Variants in CASTOR2 observed in about 807,000 individuals in gnomAD.
CASTOR2 encodes GATS protein like 2.
In CASTOR2, 8 loss-of-function variants were observed where a neutral mutation model predicts 31.2. That is an observed-to-expected ratio of 0.26 (90% CI 0.15 to 0.46). The LOEUF (loss-of-function observed/expected upper bound fraction) is 0.46. Among genes scored for constraint, CASTOR2 ranks in the 20% least tolerant of loss-of-function variants. CASTOR2 has a pLI of 0.99. For synonymous variants in CASTOR2, 162 were observed against 158.7 expected (o/e 1.02, Z -0.16); for missense variants, 216 against 382.1 (o/e 0.57, Z 3.62).
At chr7:74,979,389 CAT>C (rs1803900048) in intron 1 of CASTOR2, among the ~76,000 whole-genome samples, 2 of 147,962 alleles carry the variant, frequency 1.4e-5, no homozygotes, top group Admixed American at 6.8e-5. Flanking sequence ...CTGATGTTCC[CAT>C]ATTTTTTTTT....
At chr7:75,000,539 C>T (rs1260780841) in intron 1 of CASTOR2, among the ~76,000 whole-genome samples, 1 of 152,198 alleles carries the variant, frequency 6.6e-6, no homozygotes, top group African/African-American at 2.4e-5. Flanking sequence ...GCGCCCATAA[C>T]ATCCAAGACA....
chr7:75,025,601 G>A lies in CASTOR2; in HGVS notation c.*902G>A, dbSNP rs1037788218. 5.3e-4 allele frequency among the ~76,000 whole-genome samples: 80 copies of A among 152,216 alleles called. No individual in the cohort carries two copies. Among genetic ancestry groups the A allele is most frequent in the Admixed American group, 9.8e-4 (15 of 15,280 alleles). ...CTAGACCAGCATAGGACTCCCCGCC[G>A]TCCTCCTCCCTCCTCTGCCCCCAAG... On this transcript the variant is annotated 3_prime_UTR_variant, in exon 9 of 9. Coordinates refer to ENST00000616305, the MANE Select transcript of CASTOR2 (RefSeq NM_001145064.3).
intron 1 of CASTOR2, among the ~76,000 whole-genome samples, chr7:74,985,866 C>A (rs1373503043): frequency 1.3e-5 from 2 of 152,038 alleles, no homozygotes; most frequent in Admixed American, 1.3e-4. Context: ...ATCATTTTAG[C>A]CAATTTCAGC....
intron 7 of CASTOR2, 83 bp from the exon 8 acceptor site, chr7:75,024,357 C>T: frequency 1.5e-6 from 2 of 1,370,336 alleles, no homozygotes; most frequent in Non-Finnish European, 2.0e-6. Context: ...TAGGCATTGC[C>T]CACAGAGGGT....
At position 75,005,627 on chromosome 7, in the gene CASTOR2, C is replaced by G. The variant is rs1249846493; in HGVS notation, c.114-2367C>G. Among the ~76,000 whole-genome samples the G allele has an allele frequency of 2.0e-5, 3 of 152,344 alleles. No individual in the cohort carries two copies. In the East Asian group the frequency reaches 5.8e-4, roughly 29 times the overall value. ...AAGTCTTTGTGCGGGCACCTGTTCT[C>G]ACTTCTCGCGGATGAATACCCAGGA... On this transcript the variant is annotated intron_variant, in intron 1 of 8. Transcript: ENST00000616305.
chr7:74,977,762 G>A (rs1485123945), intron 1 of CASTOR2, among the ~76,000 whole-genome samples: 3 of 150,206 alleles, frequency 2.0e-5, no homozygotes, highest in Non-Finnish European at 4.4e-5. Flanking sequence ...CTCCAGCCTC[G>A]ATTTCTCAGG....
At chr7:75,014,419 C>CAAAAAA (rs1193842037) in intron 2 of CASTOR2, among the ~76,000 whole-genome samples, 12 of 57,556 alleles carry the variant, frequency 2.1e-4, no homozygotes, top group African/African-American at 5.5e-4. Context: ...ACTAAAAATA[C>CAAAAAA]AAAAAAAAAA....
Position 75,027,611 on chromosome 7 carries a change from T to G in CASTOR2, c.*2912T>G, listed in dbSNP as rs1404812700. Reference sequence around the variant, plus strand: ...CTCGTGTCATGGAGAAAAGCATGTGTGTCGGGGCGCGCTGGGGCCAGGGTA... The same window carrying G: ...CTCGTGTCATGGAGAAAAGCATGTGGGTCGGGGCGCGCTGGGGCCAGGGTA... On this transcript the variant is annotated 3_prime_UTR_variant, in exon 9 of 9. Transcript: ENST00000616305. 2.0e-5 allele frequency: 4 copies of G among 197,574 alleles called. No homozygotes were observed. Among genetic ancestry groups the G allele is most frequent in the Admixed American group, 1.6e-4 (3 of 18,548 alleles). 12.2% of individuals were successfully genotyped at this position (197,574 alleles called of 1,614,324 possible).
chr7:75,024,459 C>T lies in CASTOR2; in HGVS notation c.849C>T (p.Ala283=). The change falls in exon 8 of 9, where the codon GCC becomes GCT. Residue 283 remains alanine, a synonymous_variant. Transcript: ENST00000616305. ...PLGFDECGIV[A]QISEPLAAAD... is the part of the protein sequence containing the mutation. ...TTCTAGATGAGTGTGGCATCGTGGCCCAGATCTCAGAGCCCTTGGCTGCTG... is the reference window on the plus strand; with the variant it reads ...TTCTAGATGAGTGTGGCATCGTGGCTCAGATCTCAGAGCCCTTGGCTGCTG... 1 of 1,551,470 alleles carries T rather than the reference C, an allele frequency of 6.4e-7. No individual in the cohort carries two copies. The highest frequency in any genetic ancestry group is 2.4e-5 in the East Asian group (1 of 40,916).
chr7:74,992,955 C>T (rs1804247567), intron 1 of CASTOR2, among the ~76,000 whole-genome samples: 1 of 151,822 alleles, frequency 6.6e-6, no homozygotes, highest in Non-Finnish European at 1.5e-5. Flanking sequence ...AATCCCAGCA[C>T]TTTGGGAGGC....
chr7:74,999,601 C>CTTTTTTTTTTTTTTTTTTTTTTTTTTTT, intron 1 of CASTOR2, among the ~76,000 whole-genome samples: 1 of 45,760 alleles, frequency 2.2e-5, no homozygotes, highest in Non-Finnish European at 3.4e-5. Flanking sequence ...TCACTCACTG[C>CTTTTTTTTTTTTTTTTTTTTTTTTTTTT]TTTTTTTTTT....
In CASTOR2 at chr7:75,026,346, C is replaced by T. The variant is rs1435234001; in HGVS notation, c.*1647C>T. The stretch of plus-strand genomic sequence containing the variant: ...CTGGGATTACAGGCACGCACCACCA[C>T]GTCTGGCTAGTTATTGTATTTTTTA... On this transcript the variant is annotated 3_prime_UTR_variant, in exon 9 of 9. Transcript: ENST00000616305. Among the ~76,000 whole-genome samples the T allele has an allele frequency of 2.6e-5, 4 of 151,988 alleles. No homozygotes were observed. Among genetic ancestry groups the T allele is most frequent in the Non-Finnish European group, 5.9e-5 (4 of 67,996 alleles).
At chr7:74,973,333 CT>C (rs1200356756) in intron 1 of CASTOR2, among the ~76,000 whole-genome samples, 5,293 of 80,420 alleles carry the variant, frequency 0.066, 52 homozygotes, top group African/African-American at 0.17. Context: ...CTCCAGTAAG[CT>C]TTTTTTTTTT....
intron 2 of CASTOR2, among the ~76,000 whole-genome samples, chr7:75,009,262 C>CTTTTTTTTTTT (rs1161937896): frequency 1.7e-5 from 1 of 60,296 alleles, no homozygotes; most frequent in African/African-American, 7.1e-5. Context: ...GGCCTGAGAA[C>CTTTTTTTTTTT]TTTTTTTTTT....
At chr7:74,991,254 G>A (rs1187039849) in intron 1 of CASTOR2, among the ~76,000 whole-genome samples, 2 of 152,136 alleles carry the variant, frequency 1.3e-5, no homozygotes, top group African/African-American at 2.4e-5. Flanking sequence ...CTGGATATGA[G>A]GGAAGCATGG....
rs1256302571 is a variant in CASTOR2 at position 74,983,987 on chromosome 7, G to T, written c.113+18889G>T. ...TGTAGAGACAGGGTTTCACTTTGTT[G>T]CCCAGGCTGGCCTCAAACTCCTGGC... On this transcript the variant is annotated intron_variant, in intron 1 of 8. Coordinates refer to ENST00000616305, the MANE Select transcript of CASTOR2 (RefSeq NM_001145064.3). Among the ~76,000 whole-genome samples, 26 of 151,066 alleles carry T rather than the reference G, an allele frequency of 1.7e-4. 2 individuals are homozygous for T. The highest frequency in any genetic ancestry group is 3.2e-4 in the Non-Finnish European group (22 of 67,722).
intron 1 of CASTOR2, among the ~76,000 whole-genome samples, chr7:74,989,743 C>G (rs1181485130): frequency 4.0e-5 from 6 of 151,896 alleles, no homozygotes; most frequent in African/African-American, 1.5e-4. Flanking sequence ...ATTTATTGAG[C>G]AAAATAAACC....
intron 1 of CASTOR2, among the ~76,000 whole-genome samples, chr7:75,007,568 G>A (rs1487889201): frequency 2.6e-5 from 4 of 152,114 alleles, no homozygotes; most frequent in Admixed American, 2.6e-4. Context: ...TGCTGAGGAG[G>A]AGGCCAAGTC....
intron 6 of CASTOR2, among the ~76,000 whole-genome samples, 168 bp downstream of exon 6, chr7:75,020,317 A>T (rs1157853236): frequency 2.6e-5 from 4 of 151,582 alleles, no homozygotes; most frequent in Admixed American, 6.6e-5. Flanking sequence ...ATCTCGGCTC[A>T]AGGCAACCTC....
Sources: gnomAD v4.1 joint callset for allele counts (sites outside exome capture counted in the v4.1 genomes callset) on GRCh38, gnomAD v4.1.1 for gene constraint, MANE v1.5 for transcripts, NCBI Gene and HGNC (gene_info 2026-07-23, HGNC 2026-07-21) for gene names.